ATP8A1: variants seen among roughly 807,000 people sequenced by gnomAD.
ATP8A1 encodes phospholipid-transporting ATPase IA.
ATP8A1 carries 90 observed loss-of-function variants against 177.7 expected under a neutral mutation model. That is an observed-to-expected ratio of 0.51 (90% CI 0.43 to 0.60). ATP8A1 has a LOEUF of 0.60. Ranked by LOEUF, ATP8A1 falls within the 20% of genes least tolerant of loss-of-function variation. The pLI is 0.00. For missense variants in ATP8A1, 1,072 were observed against 1,392.8 expected (o/e 0.77, Z 3.67); for synonymous variants, 493 against 485.9 (o/e 1.01, Z -0.19).
chr4:42,615,750 G>C (rs947951121), intron 5 of ATP8A1, among the ~76,000 whole-genome samples: 1 of 152,150 alleles, frequency 6.6e-6, no homozygotes, highest in East Asian at 1.9e-4. Flanking sequence ...ATTTAACACT[G>C]TCAAAACAAC....
Position 42,600,465 on chromosome 4 carries a change from A to G in ATP8A1, c.450+13T>C, listed in dbSNP as rs1735133490. Reference sequence around the variant, plus strand: ...ATTTCTTCTCCTGGAACAAAATAAAAATCAGTGCATACCTTTTCCCAGTGG... The same window carrying G: ...ATTTCTTCTCCTGGAACAAAATAAAGATCAGTGCATACCTTTTCCCAGTGG... On this transcript the variant is annotated intron_variant, in intron 6 of 36. Transcript: ENST00000381668. 1.2e-6 allele frequency: 2 copies of G among 1,600,912 alleles called. No homozygotes were observed. Among genetic ancestry groups the G allele is most frequent in the Non-Finnish European group, 1.7e-6 (2 of 1,174,764 alleles).
intron 20 of ATP8A1, among the ~76,000 whole-genome samples, chr4:42,536,512 A>G (rs1264176410): frequency 6.6e-6 from 1 of 152,214 alleles, no homozygotes; most frequent in African/African-American, 2.4e-5. Context: ...GCTGAATTCT[A>G]TCACACATTC....
chr4:42,537,119 C>A (rs1257528308), intron 20 of ATP8A1, among the ~76,000 whole-genome samples: 1 of 143,388 alleles, frequency 7.0e-6, no homozygotes, highest in Non-Finnish European at 1.5e-5. Flanking sequence ...GCAAAAAGAG[C>A]GAAACTCCGT....
intron 18 of ATP8A1, among the ~76,000 whole-genome samples, chr4:42,549,536 C>T (rs1452507259): frequency 6.6e-6 from 1 of 152,040 alleles, no homozygotes; most frequent in Non-Finnish European, 1.5e-5. Context: ...TGCCTGTAAT[C>T]CCAGTGCTTT....
At chr4:42,486,886 T>C (rs1722251068) in intron 24 of ATP8A1, among the ~76,000 whole-genome samples, 1 of 152,216 alleles carries the variant, frequency 6.6e-6, no homozygotes, top group Non-Finnish European at 1.5e-5. Flanking sequence ...GGCTATGCCA[T>C]CTAGGTTTGT....
chr4:42,472,008 C>G, intron 25 of ATP8A1: 1 of 719,318 alleles, frequency 1.4e-6, no homozygotes, highest in Non-Finnish European at 2.6e-6. Context: ...TGTTCCTGTT[C>G]CTCAACTGAA....
At chr4:42,579,025 A>T (rs1449771631) in intron 11 of ATP8A1, among the ~76,000 whole-genome samples, 1 of 152,084 alleles carries the variant, frequency 6.6e-6, no homozygotes, top group Non-Finnish European at 1.5e-5. Context: ...AATAAAAAAA[A>T]TTTAAAAATA....
chr4:42,624,516 T>A lies in ATP8A1; in HGVS notation c.363+20A>T. ...TAAATAACAAAGTCACATACAATTA[T>A]GAAAAAATAGAATACTTACAATATC... On this transcript the variant is annotated intron_variant, in intron 4 of 36. Coordinates refer to ENST00000381668, the MANE Select transcript of ATP8A1 (RefSeq NM_006095.2). 6.9e-6 allele frequency: 9 copies of A among 1,297,462 alleles called. No individual in the cohort carries two copies. Among genetic ancestry groups the A allele is most frequent in the Non-Finnish European group, 8.4e-6 (8 of 953,146 alleles). 80.4% of individuals were successfully genotyped at this position (1,297,462 alleles called of 1,614,324 possible). A position where few individuals can be genotyped will look rare whatever the true frequency, so the allele number is the denominator to read the frequency against.
At position 42,627,118 on chromosome 4, in the gene ATP8A1, G is replaced by A. The variant is rs763531445; in HGVS notation, c.50-9C>T. The A allele has an allele frequency of 3.1e-6, 5 of 1,594,700 alleles. No homozygotes were observed. Among genetic ancestry groups the A allele is most frequent in the Middle Eastern group, 1.7e-4 (1 of 5,924 alleles). On this transcript the variant is annotated splice_polypyrimidine_tract_variant and intron_variant, in intron 1 of 36. Transcript: ENST00000381668. ...ATCTGTCTTCTCATAACCTTAAAAAGAGATCTTCTTATTGTACAAGAAATG... is the reference window on the plus strand; with the variant it reads ...ATCTGTCTTCTCATAACCTTAAAAAAAGATCTTCTTATTGTACAAGAAATG...
At chr4:42,555,820 T>C in intron 16 of ATP8A1, 148 bp downstream of exon 16, 1 of 594,198 alleles carries the variant, frequency 1.7e-6, no homozygotes, top group East Asian at 3.3e-5. Context: ...TGAGACTCTG[T>C]CTCAAATAAC....
At chr4:42,491,270 G>A (rs1192862793) in intron 24 of ATP8A1, among the ~76,000 whole-genome samples, 1 of 152,090 alleles carries the variant, frequency 6.6e-6, no homozygotes, top group East Asian at 1.9e-4. Flanking sequence ...TATTTATTTG[G>A]TTTACAAGAA....
intron 31 of ATP8A1, among the ~76,000 whole-genome samples, chr4:42,445,849 G>A (rs1273564943): frequency 1.3e-5 from 2 of 152,160 alleles, no homozygotes; most frequent in African/African-American, 2.4e-5. Flanking sequence ...GGAGGCTGAG[G>A]TGGGTGGATC....
intron 35 of ATP8A1, among the ~76,000 whole-genome samples, chr4:42,418,941 T>A (rs1713551172): frequency 6.6e-6 from 1 of 152,206 alleles, no homozygotes; most frequent in African/African-American, 2.4e-5. Flanking sequence ...GACATTTGCA[T>A]TTTATACACA....
At chr4:42,540,916 G>T (rs78968792) in intron 20 of ATP8A1, among the ~76,000 whole-genome samples, 4,538 of 152,152 alleles carry the variant, frequency 0.03, 224 homozygotes, top group African/African-American at 0.1. Context: ...AAGATGTATT[G>T]TACTAAGCTG....
chr4:42,615,004 T>C (rs1736756340), intron 5 of ATP8A1, among the ~76,000 whole-genome samples: 1 of 152,230 alleles, frequency 6.6e-6, no homozygotes, highest in African/African-American at 2.4e-5. Flanking sequence ...ATTGAGATCA[T>C]GTAGTCCAAA....
intron 35 of ATP8A1, among the ~76,000 whole-genome samples, chr4:42,422,080 AT>A (rs1189521164): frequency 1.3e-5 from 2 of 152,184 alleles, no homozygotes; most frequent in East Asian, 3.9e-4. Flanking sequence ...TCAAACTATG[AT>A]TTTGATTACA....
intron 24 of ATP8A1, among the ~76,000 whole-genome samples, chr4:42,503,185 CATA>C (rs1724021036): frequency 6.6e-6 from 1 of 152,192 alleles, no homozygotes; most frequent in African/African-American, 2.4e-5. Flanking sequence ...AACCTCTTGA[CATA>C]ATGCTTTTGT....
rs115926128 is a variant in ATP8A1, at chr4:42,497,612, T to C, written c.2151+5838A>G. ...AATTTGTGAACAACCTCACTTAAGG[T>C]TCTCAGCACAAGCCAGCCTCGCTGA... On this transcript the variant is annotated intron_variant, in intron 24 of 36. Coordinates refer to ENST00000381668, the MANE Select transcript of ATP8A1 (RefSeq NM_006095.2). Among the ~76,000 whole-genome samples the C allele has an allele frequency of 1.6e-3, 239 of 152,232 alleles. 1 individual carries two copies. Among genetic ancestry groups the C allele is most frequent in the African/African-American group, 5.4e-3 (224 of 41,538 alleles).
intron 33 of ATP8A1, among the ~76,000 whole-genome samples, chr4:42,425,636 G>T (rs1714523213): frequency 6.6e-6 from 1 of 152,182 alleles, no homozygotes; most frequent in South Asian, 2.1e-4. Flanking sequence ...TCACTCTGAA[G>T]AAACCAGTTT....
Sources: gnomAD v4.1 joint callset for allele counts (sites outside exome capture counted in the v4.1 genomes callset) on GRCh38, gnomAD v4.1.1 for gene constraint, MANE v1.5 for transcripts, NCBI Gene and HGNC (gene_info 2026-07-23, HGNC 2026-07-21) for gene names.